LINGO2: variants seen among roughly 807,000 people sequenced by gnomAD.
LINGO2 encodes the protein leucine rich repeat and Ig domain containing 2.
In LINGO2, 14 loss-of-function variants were observed where a neutral mutation model predicts 30.6. The ratio of observed to expected loss-of-function variants is 0.46; its 90% CI spans 0.30 to 0.72. The LOEUF is 0.72. Ranked by LOEUF, LINGO2 falls within the 30% of genes least tolerant of loss-of-function variation. The pLI, the probability that LINGO2 is intolerant of heterozygous loss-of-function variation, is 0.07. For missense variants in LINGO2, 729 were observed against 751.7 expected (o/e 0.97, Z 0.35); for synonymous variants, 317 against 288.5 (o/e 1.10, Z -1.00).
chr9:28,774,520 G>T, the LINGO2 span, among the ~76,000 whole-genome samples: 2 of 151,876 alleles, frequency 1.3e-5, no homozygotes, highest in African/African-American at 4.8e-5. Context: ...AATGTGATTG[G>T]TATATTCTCA....
At chr9:29,141,569 T>C in the LINGO2 span, among the ~76,000 whole-genome samples, 1 of 151,874 alleles carries the variant, frequency 6.6e-6, no homozygotes, top group African/African-American at 2.4e-5. Context: ...ACTTGAAATG[T>C]AAATTGATTT....
At chr9:28,198,259 A>C (rs1820088846) in intron 4 of LINGO2, among the ~76,000 whole-genome samples, 1 of 151,876 alleles carries the variant, frequency 6.6e-6, no homozygotes, top group Non-Finnish European at 1.5e-5. Flanking sequence ...GAAAAAAAAA[A>C]ACAAACTCTA....
At chr9:28,862,294 G>A in the LINGO2 span, among the ~76,000 whole-genome samples, 1 of 152,026 alleles carries the variant, frequency 6.6e-6, no homozygotes, top group East Asian at 1.9e-4. Context: ...AATAAATACT[G>A]AAGAATTAAA....
intron 1 of LINGO2, among the ~76,000 whole-genome samples, chr9:28,515,245 C>T (rs1171422204): frequency 5.6e-4 from 81 of 145,646 alleles, no homozygotes; most frequent in African/African-American, 2.0e-3. Context: ...CTCGCTCTGT[C>T]GCTCAGGCTG....
At chr9:28,540,801 G>A (rs922420498) in intron 1 of LINGO2, among the ~76,000 whole-genome samples, 15 of 152,140 alleles carry the variant, frequency 9.9e-5, no homozygotes, top group African/African-American at 3.6e-4. Context: ...CCATCACAAA[G>A]TATTCTAGTT....
chr9:28,909,820 T>C, the LINGO2 span, among the ~76,000 whole-genome samples: 1 of 152,002 alleles, frequency 6.6e-6, no homozygotes, highest in African/African-American at 2.4e-5. Flanking sequence ...GTAAGACATA[T>C]AATATTAAAG....
intron 4 of LINGO2, among the ~76,000 whole-genome samples, chr9:28,104,665 GT>G (rs1826528554): frequency 6.6e-6 from 1 of 151,660 alleles, no homozygotes; most frequent in Non-Finnish European, 1.5e-5. Context: ...ATTTCTGTAT[GT>G]TTTTTACTAA....
chr9:29,183,085 A>T, the LINGO2 span, among the ~76,000 whole-genome samples: 1 of 152,204 alleles, frequency 6.6e-6, no homozygotes, highest in Non-Finnish European at 1.5e-5. Context: ...AAGTATGCTC[A>T]TATTACCAGA....
At chr9:28,078,651 G>A (rs1342939977) in intron 4 of LINGO2, among the ~76,000 whole-genome samples, 1 of 148,094 alleles carries the variant, frequency 6.8e-6, no homozygotes, top group Non-Finnish European at 1.5e-5. Flanking sequence ...AGGAGTTTGA[G>A]ACCAGCCTAA....
chr9:28,840,037 G>A, the LINGO2 span, among the ~76,000 whole-genome samples: 1 of 149,434 alleles, frequency 6.7e-6, no homozygotes, highest in Non-Finnish European at 1.5e-5. Flanking sequence ...AATAGCCCCC[G>A]GGCTCAGCCA....
chr9:28,006,431 C>T (rs752560820), intron 5 of LINGO2, among the ~76,000 whole-genome samples: 12 of 152,044 alleles, frequency 7.9e-5, no homozygotes, highest in Non-Finnish European at 1.6e-4. Flanking sequence ...ATAATTTATA[C>T]AGCTTGTATT....
chr9:28,945,930 C>A, the LINGO2 span, among the ~76,000 whole-genome samples: 1 of 152,110 alleles, frequency 6.6e-6, no homozygotes, highest in Non-Finnish European at 1.5e-5. Context: ...CTTCCTTTCA[C>A]CTCCTCCCCA....
At chr9:29,012,382 A>G in the LINGO2 span, among the ~76,000 whole-genome samples, 13 of 152,188 alleles carry the variant, frequency 8.5e-5, no homozygotes, top group East Asian at 2.5e-3. Flanking sequence ...TATTATTCAC[A>G]TTTATAGAAA....
the LINGO2 span, among the ~76,000 whole-genome samples, chr9:29,037,857 C>G: frequency 6.6e-6 from 1 of 151,780 alleles, no homozygotes; most frequent in Non-Finnish European, 1.5e-5. Flanking sequence ...TAACAATATT[C>G]AATATATAGA....
At chr9:28,603,326 G>A (rs1244922883) in intron 1 of LINGO2, among the ~76,000 whole-genome samples, 1 of 151,952 alleles carries the variant, frequency 6.6e-6, no homozygotes, top group Admixed American at 6.6e-5. Context: ...TGTCTGTCTA[G>A]TACTGAGCCA....
chr9:28,390,081 C>T (rs1227192086), intron 2 of LINGO2, among the ~76,000 whole-genome samples: 1 of 152,056 alleles, frequency 6.6e-6, no homozygotes, highest in Non-Finnish European at 1.5e-5. Flanking sequence ...ATGTGTTTTA[C>T]ATACATTTTC....
intron 4 of LINGO2, among the ~76,000 whole-genome samples, chr9:28,068,239 A>C (rs765629496): frequency 6.6e-6 from 1 of 152,116 alleles, no homozygotes; most frequent in African/African-American, 2.4e-5. Context: ...TATTTCTGAC[A>C]TTTCTAGAGG....
At chr9:29,197,031 T>C in the LINGO2 span, among the ~76,000 whole-genome samples, 1 of 152,046 alleles carries the variant, frequency 6.6e-6, no homozygotes, top group Admixed American at 6.6e-5. Context: ...CCATTTAAGT[T>C]CACTTAAGCT....
chr9:28,907,159 C>T, the LINGO2 span, among the ~76,000 whole-genome samples: 287 of 151,768 alleles, frequency 1.9e-3, 1 homozygote, highest in African/African-American at 6.4e-3. Context: ...GGTAATCAGA[C>T]CTGTAAAGTT....
Sources: gnomAD v4.1 joint callset for allele counts (sites outside exome capture counted in the v4.1 genomes callset) on GRCh38, gnomAD v4.1.1 for gene constraint, MANE v1.5 for transcripts, NCBI Gene and HGNC (gene_info 2026-07-23, HGNC 2026-07-21) for gene names.